The following CACNB2 variants were observed in gnomAD, a reference collection of about 807,000 sequenced individuals.
CACNB2 encodes the protein calcium voltage-gated channel auxiliary subunit beta 2.
In CACNB2, 42 loss-of-function variants were observed where a neutral mutation model predicts 73.3. The ratio of observed to expected loss-of-function variants is 0.57; its 90% CI spans 0.45 to 0.74. The LOEUF (loss-of-function observed/expected upper bound fraction) is 0.74, where lower values mean the gene tolerates loss of function less well. Ranked by LOEUF, CACNB2 falls within the 30% of genes least tolerant of loss-of-function variation. The pLI is 0.00. For missense variants in CACNB2, 940 were observed against 853.0 expected, an observed-to-expected ratio of 1.10 and a Z score of -1.27; for synonymous variants, 348 against 310.3, an observed-to-expected ratio of 1.12 and a Z score of -1.28.
At chr10:18,514,645 G>C in intron 7 of CACNB2, 2 of 1,257,890 alleles carry the variant, frequency 1.6e-6, no homozygotes, top group Middle Eastern at 2.0e-4. Context: ...CCTATCAACA[G>C]CTAATTGAGT....
intron 2 of CACNB2, chr10:18,260,338 C>T (rs1448467819): frequency 7.7e-6 from 5 of 645,456 alleles, no homozygotes; most frequent in Non-Finnish European, 9.6e-6. Flanking sequence ...ATATCTAAAT[C>T]ATAGGTGGTA....
At chr10:18,156,461 T>TC (rs1261127367) in intron 2 of CACNB2, among the ~76,000 whole-genome samples, 2 of 152,196 alleles carry the variant, frequency 1.3e-5, no homozygotes, top group African/African-American at 4.8e-5. Flanking sequence ...TAGTTAATTT[T>TC]CCCCCGGAAA....
intron 2 of CACNB2, among the ~76,000 whole-genome samples, chr10:18,338,464 C>G (rs150615051): frequency 6.6e-6 from 1 of 152,264 alleles, no homozygotes; most frequent in African/African-American, 2.4e-5. Context: ...CATAGGTTCT[C>G]AAGGTACCTT....
rs1262938646 is a variant in CACNB2 at position 18,177,468 on chromosome 10, A to C, written c.213+26493A>C. Among the ~76,000 whole-genome samples the C allele has an allele frequency of 5.6e-3, 803 of 144,348 alleles. 10 individuals are homozygous for C. Among genetic ancestry groups the C allele is most frequent in the African/African-American group, 0.019 (746 of 38,956 alleles). 94.7% of individuals were successfully genotyped at this position (144,348 alleles called of 152,430 possible). The stretch of plus-strand genomic sequence containing the variant: ...AACCCCGTCTCTATTAAAAATGCAA[A>C]AAAAAAAAAAAAAATAGCTGGGTGT... On this transcript the variant is annotated intron_variant, in intron 2 of 13. Coordinates refer to ENST00000324631, the MANE Select transcript of CACNB2 (RefSeq NM_201596.3).
chr10:18,261,058 A>C, intron 2 of CACNB2: 1 of 1,349,094 alleles, frequency 7.4e-7, no homozygotes. Flanking sequence ...CCACCCCCAA[A>C]AAAAGACAAA....
chr10:18,528,742 A>T (rs2133237323), intron 10 of CACNB2, among the ~76,000 whole-genome samples: 1 of 152,350 alleles, frequency 6.6e-6, no homozygotes, highest in East Asian at 1.9e-4. Context: ...AAAAAATGTA[A>T]TCATGTGTTT....
intron 9 of CACNB2, among the ~76,000 whole-genome samples, chr10:18,525,301 T>A (rs16917420): frequency 0.02 from 3,010 of 152,288 alleles, 82 homozygotes; most frequent in African/African-American, 0.066. Flanking sequence ...CAAGCTTTAC[T>A]GTCATTTTAG....
At chr10:18,475,415 C>G (rs2048391696) in intron 3 of CACNB2, among the ~76,000 whole-genome samples, 1 of 152,146 alleles carries the variant, frequency 6.6e-6, no homozygotes, top group Non-Finnish European at 1.5e-5. Flanking sequence ...ACCCCAGCCA[C>G]CAGTCATTCA....
At chr10:18,427,908 G>T (rs955528974) in intron 3 of CACNB2, among the ~76,000 whole-genome samples, 1 of 151,006 alleles carries the variant, frequency 6.6e-6, no homozygotes, top group African/African-American at 2.4e-5. Context: ...TTTAAATTTG[G>T]TTCTAATTTC....
intron 2 of CACNB2, among the ~76,000 whole-genome samples, chr10:18,295,562 G>T (rs1305217011): frequency 6.6e-6 from 1 of 152,138 alleles, no homozygotes; most frequent in African/African-American, 2.4e-5. Context: ...CTTGTATATG[G>T]TACATTTCAT....
At chr10:18,184,985 A>G (rs1046284368) in intron 2 of CACNB2, among the ~76,000 whole-genome samples, 2 of 152,060 alleles carry the variant, frequency 1.3e-5, no homozygotes, top group African/African-American at 4.8e-5. Flanking sequence ...GACTACAGGC[A>G]TGCACCACCA....
chr10:18,199,450 C>T (rs1465160005), intron 2 of CACNB2, among the ~76,000 whole-genome samples: 1 of 152,072 alleles, frequency 6.6e-6, no homozygotes, highest in African/African-American at 2.4e-5. Context: ...GAGTAAACCT[C>T]CCCGAGATGA....
chr10:18,332,883 T>A (rs1182710605), intron 2 of CACNB2, among the ~76,000 whole-genome samples: 1 of 152,230 alleles, frequency 6.6e-6, no homozygotes, highest in Non-Finnish European at 1.5e-5. Flanking sequence ...TTTAATGGTA[T>A]GAAAAAGAGA....
At chr10:18,255,884 A>T (rs2037266314) in intron 2 of CACNB2, among the ~76,000 whole-genome samples, 1 of 152,216 alleles carries the variant, frequency 6.6e-6, no homozygotes, top group African/African-American at 2.4e-5. Flanking sequence ...AGGCTTCTTT[A>T]GGTCTTTCAT....
chr10:18,522,047 AG>A (rs1378547335), intron 9 of CACNB2, among the ~76,000 whole-genome samples: 3 of 152,136 alleles, frequency 2.0e-5, no homozygotes, highest in African/African-American at 4.8e-5. Flanking sequence ...GCCTCTTGTC[AG>A]ATCAGCAGCG....
chr10:18,491,207 A>G (rs1203245744), intron 3 of CACNB2, among the ~76,000 whole-genome samples: 2 of 152,242 alleles, frequency 1.3e-5, no homozygotes, highest in Admixed American at 1.3e-4. Flanking sequence ...AGTTCTATTC[A>G]TCAGTATTTA....
intron 3 of CACNB2, among the ~76,000 whole-genome samples, chr10:18,443,418 A>G (rs569241566): frequency 4.2e-4 from 64 of 152,186 alleles, no homozygotes; most frequent in African/African-American, 1.3e-3. Context: ...GGCCAGCAGG[A>G]GCCCAGGCCT....
Position 18,402,028 on chromosome 10 carries a change from G to C in CACNB2, c.318G>C (p.Gln106His). 1 of 1,613,972 alleles carries C rather than the reference G, an allele frequency of 6.2e-7. No individual in the cohort carries two copies. Residue 106 changes from glutamine to histidine, a missense_variant, in exon 3 of 14, where the codon CAG (glutamine) becomes CAC (histidine). Coordinates refer to ENST00000324631, the MANE Select transcript of CACNB2 (RefSeq NM_201596.3). ...AAGCGGAGCGGCAGGCCCAGGCACA[G>C]TTGGAAAAAGCAAAGGTAAAATCGT... ...RREAERQAQA[Q>H]LEKAKTKPVA...
chr10:18,367,937 C>T (rs1374551003), intron 2 of CACNB2, among the ~76,000 whole-genome samples: 5 of 152,086 alleles, frequency 3.3e-5, no homozygotes, highest in South Asian at 2.1e-4. Context: ...TGTTAAGAAA[C>T]GAACCTATGT....
Sources: gnomAD v4.1 joint callset for allele counts (sites outside exome capture counted in the v4.1 genomes callset) on GRCh38, gnomAD v4.1.1 for gene constraint, MANE v1.5 for transcripts, NCBI Gene and HGNC (gene_info 2026-07-23, HGNC 2026-07-21) for gene names.